Variants in PUM2 observed in about 807,000 individuals in gnomAD.
PUM2 encodes the protein pumilio RNA binding family member 2.
Under a neutral mutation model 124.5 loss-of-function variants are expected in PUM2, and 57 were observed. That is an observed-to-expected ratio of 0.46 (90% confidence interval 0.37 to 0.57). The LOEUF (loss-of-function observed/expected upper bound fraction) is 0.57. Among genes scored for constraint, PUM2 ranks in the 20% least tolerant of loss-of-function variants. The pLI, the probability that PUM2 is intolerant of heterozygous loss-of-function variation, is 0.00. For synonymous variants in PUM2, 460 were observed against 446.1 expected (o/e 1.03, Z -0.39); for missense variants, 1,065 against 1,290.6 (o/e 0.83, Z 2.68).
At chr2:20,291,594 TTTTC>T (rs1674101850) in intron 9 of PUM2, among the ~76,000 whole-genome samples, 1 of 152,218 alleles carries the variant, frequency 6.6e-6, no homozygotes, top group African/African-American at 2.4e-5. Flanking sequence ...CTTCTTTTTC[TTTTC>T]TTTCTTCCTT....
intron 3 of PUM2, among the ~76,000 whole-genome samples, chr2:20,316,353 T>A (rs1680933236): frequency 6.6e-6 from 1 of 152,174 alleles, no homozygotes; most frequent in Non-Finnish European, 1.5e-5. Flanking sequence ...TTAAATCTTC[T>A]AATATATTTT....
At chr2:20,318,861 C>T (rs1341642298) in intron 2 of PUM2, among the ~76,000 whole-genome samples, 1 of 152,116 alleles carries the variant, frequency 6.6e-6, no homozygotes, top group East Asian at 1.9e-4. Flanking sequence ...AAACAAAAAT[C>T]AAAATCTACT....
chr2:20,322,093 C>T (rs1682518158), intron 2 of PUM2, among the ~76,000 whole-genome samples: 1 of 151,978 alleles, frequency 6.6e-6, no homozygotes, highest in Admixed American at 6.6e-5. Flanking sequence ...AACATAATCC[C>T]AAGACTTAAA....
At chr2:20,259,313 C>G (rs768599965) in intron 15 of PUM2, among the ~76,000 whole-genome samples, 24 of 152,188 alleles carry the variant, frequency 1.6e-4, no homozygotes, top group Non-Finnish European at 2.8e-4. Flanking sequence ...CCATTTTTAG[C>G]TAGGTGATTG....
At chr2:20,332,137 C>T (rs1482653893) in intron 1 of PUM2, among the ~76,000 whole-genome samples, 1 of 152,162 alleles carries the variant, frequency 6.6e-6, no homozygotes, top group African/African-American at 2.4e-5. Context: ...GCCTGCAGGC[C>T]ATAGTTTGCA....
intron 13 of PUM2, among the ~76,000 whole-genome samples, chr2:20,272,554 C>T (rs1203522080): frequency 6.6e-6 from 1 of 152,158 alleles, no homozygotes; most frequent in Admixed American, 6.5e-5. Flanking sequence ...GTGCCAATAC[C>T]GTAGTTTTAG....
chr2:20,274,429 T>C (rs1258797772), intron 13 of PUM2, among the ~76,000 whole-genome samples: 3 of 152,154 alleles, frequency 2.0e-5, no homozygotes, highest in African/African-American at 7.2e-5. Context: ...AGCACAAGAC[T>C]AAGTCTGCCA....
Position 20,328,774 on chromosome 2 carries a change from G to A in PUM2, c.-18-1396C>T, listed in dbSNP as rs139025085. 7.7e-3 allele frequency among the ~76,000 whole-genome samples: 1,165 copies of A among 152,174 alleles called. 11 individuals are homozygous for A. Among genetic ancestry groups the A allele is most frequent in the African/African-American group, 0.027 (1,115 of 41,492 alleles). On this transcript the variant is annotated intron_variant, in intron 1 of 20. Coordinates refer to ENST00000361078, the MANE Select transcript of PUM2 (RefSeq NM_015317.5). ...AACAAGATTTCTAATTTGAAGAATA[G>A]GAAAATAGTGGAAAAAAAATGAACA...
chr2:20,270,780 C>G (rs1339151019), intron 13 of PUM2, among the ~76,000 whole-genome samples: 1 of 151,956 alleles, frequency 6.6e-6, no homozygotes, highest in African/African-American at 2.4e-5. Context: ...GAAACAAAAC[C>G]ACTCAAATTC....
intron 6 of PUM2, 112 bp downstream of exon 6, chr2:20,308,202 A>G: frequency 2.0e-6 from 3 of 1,473,384 alleles, no homozygotes; most frequent in Non-Finnish European, 2.8e-6. Context: ...TTTAATCAAT[A>G]AAACATTTAG....
intron 3 of PUM2, among the ~76,000 whole-genome samples, chr2:20,315,204 G>C (rs1680598579): frequency 6.6e-6 from 1 of 151,434 alleles, no homozygotes; most frequent in Non-Finnish European, 1.5e-5. Flanking sequence ...CAGCTGATAA[G>C]GGTTAAAAAA....
intron 8 of PUM2, among the ~76,000 whole-genome samples, chr2:20,296,453 C>A (rs1389020017): frequency 7.3e-5 from 11 of 151,672 alleles, no homozygotes; most frequent in African/African-American, 2.7e-4. Flanking sequence ...CGAGATCGTG[C>A]CACTGCACTC....
At chr2:20,258,754 G>C (rs1290798576) in intron 15 of PUM2, among the ~76,000 whole-genome samples, 1 of 141,548 alleles carries the variant, frequency 7.1e-6, no homozygotes, top group East Asian at 2.1e-4. Flanking sequence ...TGCAAGCTCT[G>C]CTTCCCGGGT....
intron 12 of PUM2, among the ~76,000 whole-genome samples, chr2:20,281,707 G>T (rs1671566796): frequency 6.6e-6 from 1 of 152,100 alleles, no homozygotes; most frequent in Admixed American, 6.6e-5. Context: ...AAATTGAAAA[G>T]ATTTAACAAT....
rs1662671648 is a variant in PUM2, at chr2:20,249,113, G to A, written c.*2472C>T. The A allele has an allele frequency of 6.6e-6, 1 of 152,220 alleles. No homozygotes were observed. Among genetic ancestry groups the A allele is most frequent in the Non-Finnish European group, 1.5e-5 (1 of 68,064 alleles). 9.4% of individuals were successfully genotyped at this position (152,220 alleles called of 1,614,324 possible). The stretch of plus-strand genomic sequence containing the variant: ...CTGGGACAAATGGGAATGAGTATCA[G>A]GACCCCAAGAAGAGGGTTTAGTTTC... On this transcript the variant is annotated 3_prime_UTR_variant, in exon 21 of 21. Transcript: ENST00000361078.
At chr2:20,305,208 G>C (rs1677919623) in intron 7 of PUM2, among the ~76,000 whole-genome samples, 1 of 152,010 alleles carries the variant, frequency 6.6e-6, no homozygotes, top group Admixed American at 6.6e-5. Context: ...GAAATGGCTG[G>C]GCGCAGTGGC....
rs540263796 is a variant in PUM2, at chr2:20,319,289, C to T, written c.52-644G>A. On this transcript the variant is annotated intron_variant, in intron 2 of 20. Transcript: ENST00000361078. ...CTCAAAATGAACATTTTGGACAATT[C>T]TTATTCTTTAATATTCATTCATATC... is the stretch of plus-strand genomic sequence containing the variant. Among the ~76,000 whole-genome samples, 5 of 152,314 alleles carry T rather than the reference C, an allele frequency of 3.3e-5. No homozygotes were observed. In the East Asian group the frequency reaches 9.6e-4, roughly 29 times the overall value.
intron 10 of PUM2, among the ~76,000 whole-genome samples, chr2:20,286,938 TG>T (rs1672875189): frequency 6.6e-6 from 1 of 152,072 alleles, no homozygotes; most frequent in Non-Finnish European, 1.5e-5. Context: ...ATTATCTTTT[TG>T]CTACTGAGAA....
At position 20,248,979 on chromosome 2, in the gene PUM2, A is replaced by G. The variant is rs1363983237; in HGVS notation, c.*2606T>C. On this transcript the variant is annotated 3_prime_UTR_variant, in exon 21 of 21. Transcript: ENST00000361078. ...CAAAATTTCATGCCAACTTACTAAA[A>G]GGTAAAAATTGGGGTGGGCACCCAA... The G allele has an allele frequency of 2.0e-5, 3 of 152,272 alleles. No individual in the cohort carries two copies. The highest frequency in any genetic ancestry group is 4.4e-5 in the Non-Finnish European group (3 of 68,044). The allele number at this position is 152,272 out of a possible 1,614,324, so 9.4% of individuals were successfully genotyped here. A position where few individuals can be genotyped will look rare whatever the true frequency, so the allele number is the denominator to read the frequency against.
Sources: allele counts gnomAD v4.1 joint callset (sites outside exome capture counted in the v4.1 genomes callset), GRCh38; gene constraint gnomAD v4.1.1; transcripts MANE v1.5; gene names NCBI Gene and HGNC (gene_info 2026-07-23, HGNC 2026-07-21).